CABLES1: variants seen among roughly 807,000 people sequenced by gnomAD.
CABLES1 encodes the protein CDK5 and ABL1 enzyme substrate 1.
Under a neutral mutation model 57.8 loss-of-function variants are expected in CABLES1, and 36 were observed. The ratio of observed to expected loss-of-function variants is 0.62; its 90% CI spans 0.48 to 0.82. CABLES1 has a LOEUF of 0.82. CABLES1 is among the 40% of genes least tolerant of loss of function. CABLES1 has a pLI of 0.00. For synonymous variants in CABLES1, 374 were observed against 363.0 expected, an observed-to-expected ratio of 1.03 and a Z score of -0.35; for missense variants, 767 against 836.6, an observed-to-expected ratio of 0.92 and a Z score of 1.03.
At chr18:23,216,694 T>G (rs8093359) in intron 4 of CABLES1, among the ~76,000 whole-genome samples, 50,657 of 152,124 alleles carry the variant, frequency 0.33, 8,867 homozygotes, top group Admixed American at 0.48. Flanking sequence ...TGCAAAGCCA[T>G]TAGGAAGCTG....
rs112018806 is a variant in CABLES1 at position 23,157,439 on chromosome 18, C to T, written c.845+20832C>T. Reference sequence around the variant, plus strand: ...GCCCATCTCACTTATTCCTCATACCCTTGAGGTGGGAAGGGCTGGCTTTCT... The same window carrying T: ...GCCCATCTCACTTATTCCTCATACCTTTGAGGTGGGAAGGGCTGGCTTTCT... On this transcript the variant is annotated intron_variant, in intron 1 of 9. Coordinates refer to ENST00000256925, the MANE Select transcript of CABLES1 (RefSeq NM_001100619.3). Among the ~76,000 whole-genome samples the T allele has an allele frequency of 5.1e-4, 78 of 152,164 alleles. 1 individual carries two copies. The highest frequency in any genetic ancestry group is 1.9e-3 in the African/African-American group (77 of 41,502).
intron 1 of CABLES1, among the ~76,000 whole-genome samples, chr18:23,171,808 G>A (rs1351300958): frequency 6.6e-6 from 1 of 152,176 alleles, no homozygotes. Flanking sequence ...TCACATCCCT[G>A]CCAAACCAGG....
At chr18:23,142,600 T>C (rs1011072545) in intron 1 of CABLES1, among the ~76,000 whole-genome samples, 1 of 152,226 alleles carries the variant, frequency 6.6e-6, no homozygotes, top group African/African-American at 2.4e-5. Context: ...AATCTTGGTA[T>C]TGAGACTTAA....
At chr18:23,182,501 C>T (rs1370635112) in intron 1 of CABLES1, among the ~76,000 whole-genome samples, 1 of 152,202 alleles carries the variant, frequency 6.6e-6, no homozygotes. Context: ...TCACTAGAAT[C>T]CCCCGGGAGT....
At chr18:23,222,896 C>A (rs1026802074) in intron 4 of CABLES1, among the ~76,000 whole-genome samples, 5 of 152,212 alleles carry the variant, frequency 3.3e-5, no homozygotes, top group African/African-American at 1.2e-4. Context: ...CAAAAGAGGG[C>A]GTCGAGCTGC....
chr18:23,194,225 C>T (rs2047265596), intron 2 of CABLES1, among the ~76,000 whole-genome samples: 1 of 151,700 alleles, frequency 6.6e-6, no homozygotes, highest in Non-Finnish European at 1.5e-5. Context: ...TTTTAGAGAC[C>T]CATGTAAAAT....
chr18:23,171,535 T>G (rs2047082373), intron 1 of CABLES1, among the ~76,000 whole-genome samples: 1 of 152,240 alleles, frequency 6.6e-6, no homozygotes, highest in Non-Finnish European at 1.5e-5. Context: ...CTTTACAAAG[T>G]CTGTTTTGTA....
intron 1 of CABLES1, among the ~76,000 whole-genome samples, chr18:23,165,536 C>T (rs770885110): frequency 6.6e-6 from 1 of 152,004 alleles, no homozygotes; most frequent in Non-Finnish European, 1.5e-5. Flanking sequence ...TCCTGCCCCC[C>T]CAGTCCCTGG....
rs949004593 is a variant in CABLES1, at chr18:23,222,628, T to C, written c.1088+8574T>C. Among the ~76,000 whole-genome samples the C allele has an allele frequency of 1.8e-4, 27 of 151,026 alleles. No homozygotes were observed. In the South Asian group the frequency reaches 1.9e-3, roughly 10 times the overall value. On this transcript the variant is annotated intron_variant, in intron 4 of 9. Transcript: ENST00000256925. ...ATAGATATATACACAGATATAGATATAGATATAGATATATATTGCCCCAAC... is the reference window on the plus strand; with the variant it reads ...ATAGATATATACACAGATATAGATACAGATATAGATATATATTGCCCCAAC...
At chr18:23,191,578 G>T (rs1462494002) in intron 2 of CABLES1, among the ~76,000 whole-genome samples, 1 of 152,142 alleles carries the variant, frequency 6.6e-6, no homozygotes, top group Non-Finnish European at 1.5e-5. Context: ...TTGCTTTTAA[G>T]CTTAGCAGAA....
chr18:23,215,854 C>T (rs748250454), intron 4 of CABLES1, among the ~76,000 whole-genome samples: 1 of 151,746 alleles, frequency 6.6e-6, no homozygotes, highest in African/African-American at 2.4e-5. Flanking sequence ...CCCGGGTTCA[C>T]GCCATTCTCC....
rs768710802 is a variant in CABLES1 at position 23,136,372 on chromosome 18, G to A, written c.610G>A (p.Gly204Arg). The A allele has an allele frequency of 1.6e-5, 25 of 1,534,422 alleles. No homozygotes were observed. Among genetic ancestry groups the A allele is most frequent in the Non-Finnish European group, 2.1e-5 (24 of 1,142,740 alleles). ...GCTGCTCGACGGGTCCGGGGCCGCC[G>A]GGCAGGAGGAGTTGGAGGAGGACGA... Reference protein sequence around the residue: ...LQLLDGSGAAGQEELEEDDAF... With the variant: ...LQLLDGSGAARQEELEEDDAF... Residue 204 changes from glycine to arginine, a missense_variant, in exon 1 of 10, where the codon GGG (glycine) becomes AGG (arginine). Gly to Arg is a moderately radical substitution (Grantham distance 125). Coordinates refer to ENST00000256925, the MANE Select transcript of CABLES1 (RefSeq NM_001100619.3).
intron 1 of CABLES1, among the ~76,000 whole-genome samples, chr18:23,144,694 G>T (rs796670702): frequency 1.1e-4 from 17 of 152,340 alleles, no homozygotes; most frequent in African/African-American, 4.1e-4. Flanking sequence ...TTGAACTTTA[G>T]TTTTCCTGGC....
At chr18:23,211,702 C>G (rs933254789) in intron 3 of CABLES1, among the ~76,000 whole-genome samples, 1 of 152,280 alleles carries the variant, frequency 6.6e-6, no homozygotes, top group Non-Finnish European at 1.5e-5. Context: ...CAATCTCCAC[C>G]CTGCCCCACC....
In CABLES1 at chr18:23,253,912, A is replaced by G. The variant is rs1239461383; in HGVS notation, c.1737A>G (p.Lys579=). Residue 579 remains lysine, a synonymous_variant, in exon 9 of 10, where the codon AAA becomes AAG. Coordinates refer to ENST00000256925, the MANE Select transcript of CABLES1 (RefSeq NM_001100619.3). ...CCAAAATTGGAAGTGACCTCAAAAA[A>G]CACGAAGTCAAGCATTTAATTGACG... The part of the protein sequence containing the change: ...LAAKIGSDLK[K]HEVKHLIDKL... The G allele has an allele frequency of 6.2e-7, 1 of 1,614,028 alleles. No individual in the cohort carries two copies. Among genetic ancestry groups the G allele is most frequent in the African/African-American group, 1.3e-5 (1 of 74,934 alleles).
chr18:23,213,907 A>G (rs756482193), intron 3 of CABLES1, 70 bp from the exon 4 acceptor site: 4 of 1,017,104 alleles, frequency 3.9e-6, no homozygotes, highest in Non-Finnish European at 6.0e-6. Flanking sequence ...TAATTGCTAT[A>G]GATTTTGTTT....
At chr18:23,245,172 C>T (rs767477742) in intron 7 of CABLES1, among the ~76,000 whole-genome samples, 10 of 152,144 alleles carry the variant, frequency 6.6e-5, no homozygotes, top group Admixed American at 1.3e-4. Flanking sequence ...ATGGAGGCCC[C>T]TTCCCTCTTC....
At chr18:23,163,094 G>T (rs1243888807) in intron 1 of CABLES1, among the ~76,000 whole-genome samples, 2 of 152,118 alleles carry the variant, frequency 1.3e-5, no homozygotes, top group African/African-American at 4.8e-5. Flanking sequence ...GTTGTGGGGT[G>T]CAGGGTGGTG....
chr18:23,188,543 TTG>T lies in CABLES1; in HGVS notation c.846-273_846-272del, dbSNP rs55888102. Among the ~76,000 whole-genome samples the T allele has an allele frequency of 9.9e-4, 147 of 148,412 alleles. 1 individual carries two copies. Among genetic ancestry groups the T allele is most frequent in the East Asian group, 8.7e-3 (44 of 5,070 alleles). On this transcript the variant is annotated intron_variant, in intron 1 of 9. Coordinates refer to ENST00000256925, the MANE Select transcript of CABLES1 (RefSeq NM_001100619.3). ...GTATATTACAAGAGGCACCTTGTCT[TTG>T]TGTGTGTGTGTGTGTGTGTGTCCTT...
Sources: gnomAD v4.1 joint callset for allele counts (sites outside exome capture counted in the v4.1 genomes callset) on GRCh38, gnomAD v4.1.1 for gene constraint, MANE v1.5 for transcripts, NCBI Gene and HGNC (gene_info 2026-07-23, HGNC 2026-07-21) for gene names.